The following BACH2 variants were observed in gnomAD, a reference collection of about 807,000 sequenced individuals.
BACH2 encodes the protein transcription regulator protein BACH2.
A neutral mutation model predicts 61.8 loss-of-function variants in BACH2; 5 were observed. The ratio of observed to expected loss-of-function variants is 0.08; its 90% CI spans 0.04 to 0.17. BACH2 has a LOEUF of 0.17. Ranked by LOEUF, BACH2 falls within the 10% of genes least tolerant of loss-of-function variation. The pLI is 1.00. For missense variants in BACH2, 824 were observed against 1,091.1 expected (o/e 0.76, Z 3.45); for synonymous variants, 446 against 440.1 (o/e 1.01, Z -0.17).
chr6:89,957,626 A>C (rs1774496971), intron 6 of BACH2, among the ~76,000 whole-genome samples: 1 of 152,144 alleles, frequency 6.6e-6, no homozygotes, highest in Admixed American at 6.5e-5. Context: ...CTGCAGCCTC[A>C]ACCTTTGGGG....
intron 5 of BACH2, among the ~76,000 whole-genome samples, chr6:90,086,665 G>A (rs1254745712): frequency 6.6e-6 from 1 of 152,172 alleles, no homozygotes; most frequent in Non-Finnish European, 1.5e-5. Context: ...AAGGAGTCAT[G>A]ACAACTTCTT....
chr6:90,099,860 T>C (rs1782540826), intron 4 of BACH2, among the ~76,000 whole-genome samples: 1 of 152,148 alleles, frequency 6.6e-6, no homozygotes, highest in Non-Finnish European at 1.5e-5. Flanking sequence ...TGTGCGACCA[T>C]CACCACTATC....
Position 89,951,240 on chromosome 6 carries a change from A to C in BACH2, c.866T>G (p.Ile289Ser). The C allele has an allele frequency of 6.2e-7, 1 of 1,614,074 alleles. No individual in the cohort carries two copies. The highest frequency in any genetic ancestry group is 8.5e-7 in the Non-Finnish European group (1 of 1,180,028). Residue 289 changes from isoleucine (I) to serine (S), a missense_variant, in exon 7 of 9, where the codon ATC (isoleucine) becomes AGC (serine). Coordinates refer to ENST00000257749, the MANE Select transcript of BACH2 (RefSeq NM_021813.4). The surrounding 1 kb of genome is among the most constrained non-coding windows in gnomAD (Gnocchi z 6.4). The stretch of plus-strand genomic sequence containing the variant: ...CTCATCTCCAGACAGGCAGAGCGTG[A>C]TGCTCTCTTCCTCATTCTCTTCACT... ...PPSEENEEES[I>S]TLCLSGDEPD...
intron 4 of BACH2, among the ~76,000 whole-genome samples, chr6:90,149,703 T>C (rs923746869): frequency 1.3e-5 from 2 of 152,212 alleles, no homozygotes; most frequent in Admixed American, 6.5e-5. Flanking sequence ...GCTGGATATA[T>C]AGGCAGATGA....
At position 90,257,418 on chromosome 6, in the gene BACH2, A is replaced by ATC. The variant is rs551407621; in HGVS notation, c.-352-4829_-352-4828insGA. Among the ~76,000 whole-genome samples the ATC allele has an allele frequency of 5.6e-3, 849 of 152,284 alleles. 10 individuals carry two copies. Among genetic ancestry groups the ATC allele is most frequent in the Middle Eastern group, 0.01 (3 of 294 alleles). On this transcript the variant is annotated intron_variant, in intron 2 of 8. Coordinates refer to ENST00000257749, the MANE Select transcript of BACH2 (RefSeq NM_021813.4). ...TGACTTTTTGATAACAGCCATCCTA[A>ATC]CAGTTGTGAGGAGGTAAATCACAGT...
chr6:90,159,276 C>A (rs761891734), intron 4 of BACH2, among the ~76,000 whole-genome samples: 4 of 151,898 alleles, frequency 2.6e-5, no homozygotes, highest in African/African-American at 4.9e-5. Flanking sequence ...GCCAACAGAA[C>A]AATTAACACA....
At chr6:90,139,967 G>C (rs372936522) in intron 4 of BACH2, among the ~76,000 whole-genome samples, 1 of 152,140 alleles carries the variant, frequency 6.6e-6, no homozygotes. Context: ...TAAGTCAGGG[G>C]CAAGCAGTCC....
At chr6:90,268,889 T>C (rs1297949576) in intron 2 of BACH2, among the ~76,000 whole-genome samples, 1 of 152,200 alleles carries the variant, frequency 6.6e-6, no homozygotes, top group Non-Finnish European at 1.5e-5. Flanking sequence ...AAGAAAGCTT[T>C]CTGGTAATAA....
intron 4 of BACH2, among the ~76,000 whole-genome samples, chr6:90,166,782 C>T (rs955885640): frequency 6.6e-6 from 1 of 151,992 alleles, no homozygotes; most frequent in Non-Finnish European, 1.5e-5. Flanking sequence ...TGGAAACCAT[C>T]ATTCTCAGCA....
At chr6:90,200,603 A>AT (rs1224826455) in intron 4 of BACH2, among the ~76,000 whole-genome samples, 1 of 152,156 alleles carries the variant, frequency 6.6e-6, no homozygotes. Context: ...AACAGCTAAA[A>AT]TAGTACTTAT....
intron 8 of BACH2, among the ~76,000 whole-genome samples, chr6:89,934,067 T>C (rs1772857110): frequency 6.6e-6 from 1 of 151,872 alleles, no homozygotes; most frequent in African/African-American, 2.4e-5. Context: ...CATACGGAGT[T>C]TCATATAGAA....
intron 5 of BACH2, among the ~76,000 whole-genome samples, chr6:90,035,747 G>C (rs1333293050): frequency 6.6e-6 from 1 of 152,012 alleles, no homozygotes; most frequent in African/African-American, 2.4e-5. Flanking sequence ...GTGGTAGAAA[G>C]AACTTGTAGA....
chr6:90,133,210 A>G (rs1408773044), intron 4 of BACH2, among the ~76,000 whole-genome samples: 1 of 152,200 alleles, frequency 6.6e-6, no homozygotes, highest in African/African-American at 2.4e-5. Flanking sequence ...AAACCCATGT[A>G]GCAATCATAA....
rs535778176 is a variant in BACH2 at position 90,241,090 on chromosome 6, G to A, written c.-275+11423C>T. Among the ~76,000 whole-genome samples, 11 of 143,656 alleles carry A rather than the reference G, an allele frequency of 7.7e-5. No homozygotes were observed. The South Asian group carries it at 1.5e-3, about 20-fold the overall frequency. The allele number at this position is 143,656 out of a possible 152,430, so 94.2% of individuals were successfully genotyped here. A position where few individuals can be genotyped will look rare whatever the true frequency, so the allele number is the denominator to read the frequency against. Reference sequence around the variant, plus strand: ...GCAGAGGTTGCAGTGAGCCGAGATCGCCCCACTGCACTCCAGCCTGGGTGA... The same window carrying A: ...GCAGAGGTTGCAGTGAGCCGAGATCACCCCACTGCACTCCAGCCTGGGTGA... On this transcript the variant is annotated intron_variant, in intron 3 of 8. Transcript: ENST00000257749.
chr6:90,050,142 A>G (rs2127794267), intron 5 of BACH2, among the ~76,000 whole-genome samples: 1 of 152,356 alleles, frequency 6.6e-6, no homozygotes, highest in East Asian at 1.9e-4. Context: ...AAGAATGATA[A>G]TAACATTAAT....
At chr6:90,035,688 C>T (rs1263104942) in intron 5 of BACH2, among the ~76,000 whole-genome samples, 1 of 151,612 alleles carries the variant, frequency 6.6e-6, no homozygotes, top group Non-Finnish European at 1.5e-5. Context: ...TACAGCTGGC[C>T]CCAACAAGAT....
intron 5 of BACH2, among the ~76,000 whole-genome samples, chr6:90,069,704 T>C (rs2127801130): frequency 6.6e-6 from 1 of 152,252 alleles, no homozygotes; most frequent in East Asian, 1.9e-4. Context: ...TGGAGAATAT[T>C]ATTCTAAACT....
intron 1 of BACH2, among the ~76,000 whole-genome samples, chr6:90,277,087 A>G (rs934237443): frequency 1.3e-5 from 2 of 152,160 alleles, no homozygotes; most frequent in Non-Finnish European, 1.5e-5. Flanking sequence ...AGAGTGTCAC[A>G]AAGTCAAATT....
intron 1 of BACH2, among the ~76,000 whole-genome samples, chr6:90,276,568 GC>G (rs1771698275): frequency 6.6e-6 from 1 of 152,196 alleles, no homozygotes; most frequent in Non-Finnish European, 1.5e-5. Flanking sequence ...ATTTATAATT[GC>G]CTTCTTTAAA....
Sources: allele counts gnomAD v4.1 joint callset (sites outside exome capture counted in the v4.1 genomes callset), GRCh38; gene constraint gnomAD v4.1.1; non-coding constraint Gnocchi (gnomAD v3.1); transcripts MANE v1.5; gene names NCBI Gene and HGNC (gene_info 2026-07-23, HGNC 2026-07-21).